Variants in DHTKD1 observed in about 807,000 individuals in gnomAD.
The protein encoded by DHTKD1 is 2-oxoadipate dehydrogenase complex component E1.
DHTKD1 carries 78 observed loss-of-function variants against 101.8 expected under a neutral mutation model. That is an observed-to-expected ratio of 0.77 (90% CI 0.64 to 0.93). The LOEUF (loss-of-function observed/expected upper bound fraction) is 0.93, where lower values mean the gene tolerates loss of function less well. DHTKD1 is among the 40% of genes least tolerant of loss of function. DHTKD1 has a pLI of 0.00. For synonymous variants in DHTKD1, 462 were observed against 450.3 expected (o/e 1.03, Z -0.33); for missense variants, 1,223 against 1,161.7 (o/e 1.05, Z -0.77).
rs1195231102 is a variant in DHTKD1 at position 12,086,376 on chromosome 10, A to T, written c.523-1159A>T. On this transcript the variant is annotated intron_variant, in intron 3 of 16. Coordinates refer to ENST00000263035, the MANE Select transcript of DHTKD1 (RefSeq NM_018706.7). ...GCTGGGACTACAGGTGCATGCCATGATGCCTGGCTAATTTTTTGTATTTTT... is the reference window on the plus strand; with the variant it reads ...GCTGGGACTACAGGTGCATGCCATGTTGCCTGGCTAATTTTTTGTATTTTT... Among the ~76,000 whole-genome samples the T allele has an allele frequency of 5.3e-5, 8 of 151,478 alleles. 1 individual carries two copies. In the Admixed American group the frequency reaches 5.3e-4, roughly 10 times the overall value.
At chr10:12,113,599 C>T (rs1588618337) in intron 13 of DHTKD1, among the ~76,000 whole-genome samples, 1 of 152,254 alleles carries the variant, frequency 6.6e-6, no homozygotes, top group East Asian at 1.9e-4. Context: ...TATACTAGTG[C>T]CCTCCTGAGC....
Position 12,107,965 on chromosome 10 carries a change from G to A in DHTKD1, c.2104G>A (p.Asp702Asn), listed in dbSNP as rs151226045. The A allele has an allele frequency of 3.3e-5, 53 of 1,613,952 alleles. No homozygotes were observed. The African/African-American group carries it at 4.4e-4, about 13-fold the overall frequency. Residue 702 changes from aspartate to asparagine, a missense_variant, in exon 12 of 17, where the codon GAT becomes AAT. Asp to Asn is a conservative substitution (Grantham distance 23). Transcript: ENST00000263035. The surrounding 1 kb of genome is among the most constrained non-coding windows in gnomAD (Gnocchi z 4.1). ...CGTCATCCTCCTTCCACATGGCTAC[G>A]ATGGGGCTGGGCCAGACCACTCATC... is the stretch of plus-strand genomic sequence containing the variant. ...GIVILLPHGY[D>N]GAGPDHSSCR...
chr10:12,093,977 A>AT, intron 6 of DHTKD1, 96 bp from the exon 7 acceptor site: 1 of 1,075,560 alleles, frequency 9.3e-7, no homozygotes, highest in Non-Finnish European at 1.4e-6. Flanking sequence ...ACCTGTGAGG[A>AT]TTGGGCTGTC....
chr10:12,068,963 C>G lies in DHTKD1; in HGVS notation c.-71C>G, dbSNP rs1187390689. ...GGCTCCGGCCGCCTCTGACGAGTCC[C>G]GGATTTACCAGGGCCGGTGGGATCC... On this transcript the variant is annotated 5_prime_UTR_variant, in exon 1 of 17. Transcript: ENST00000263035. The G allele has an allele frequency of 8.9e-6, 14 of 1,580,998 alleles. No individual in the cohort carries two copies. Among genetic ancestry groups the G allele is most frequent in the Non-Finnish European group, 9.5e-6 (11 of 1,161,150 alleles).
At position 12,097,966 on chromosome 10, in the gene DHTKD1, G is replaced by A. The variant is rs561793789; in HGVS notation, c.1641G>A (p.Met547Ile). Residue 547 changes from methionine to isoleucine, a missense_variant, in exon 8 of 17, where the codon ATG becomes ATA. Physicochemically the swap from Met to Ile is conservative, Grantham distance 10. Transcript: ENST00000263035. ...TAGAGGTGCCAAGAGAGCTGCAGAT[G>A]CACAGTCACCTGCTGAAGACACATG... ...KSVEVPRELQ[M>I]HSHLLKTHVQ... 5.5e-4 allele frequency: 887 copies of A among 1,612,718 alleles called. 16 individuals carry two copies. The South Asian group carries it at 8.8e-3, about 16-fold the overall frequency.
chr10:12,103,384 C>T lies in DHTKD1; in HGVS notation c.1896+2203C>T, dbSNP rs374629508. ...GAATTTTGTAACTGACCAGCATTCC[C>T]TTATCAATAATGGCTTCTAGGAAGG... is the stretch of plus-strand genomic sequence containing the variant. On this transcript the variant is annotated intron_variant, in intron 10 of 16. Coordinates refer to ENST00000263035, the MANE Select transcript of DHTKD1 (RefSeq NM_018706.7). The surrounding 1 kb of genome is among the most constrained non-coding windows in gnomAD (Gnocchi z 4.8). Among the ~76,000 whole-genome samples, 1 of 152,086 alleles carries T rather than the reference C, an allele frequency of 6.6e-6. No homozygotes were observed. The highest frequency in any genetic ancestry group is 2.4e-5 in the African/African-American group (1 of 41,426).
At chr10:12,073,355 C>CTT (rs948236759) in intron 1 of DHTKD1, among the ~76,000 whole-genome samples, 1 of 147,942 alleles carries the variant, frequency 6.8e-6, no homozygotes, top group Non-Finnish European at 1.5e-5. Context: ...AGCTCTTTTA[C>CTT]TTTTTTTTTT....
chr10:12,106,795 T>C (rs923744533), intron 11 of DHTKD1, among the ~76,000 whole-genome samples: 1 of 152,200 alleles, frequency 6.6e-6, no homozygotes, highest in African/African-American at 2.4e-5. Context: ...TCTTGGGTTT[T>C]GAATACCTGC....
At chr10:12,073,321 C>T (rs571575995) in intron 1 of DHTKD1, among the ~76,000 whole-genome samples, 23 of 152,222 alleles carry the variant, frequency 1.5e-4, no homozygotes, top group African/African-American at 5.5e-4. Flanking sequence ...GCATGAGCCA[C>T]TGCACCCAGT....
In DHTKD1 at chr10:12,110,519, T is replaced by C. The variant is rs1833314471; in HGVS notation, c.2155-2381T>C. ...AGTGTATTTATTTAAACATTTTTAA[T>C]TGACAAATGTACAATTGTATATATG... On this transcript the variant is annotated intron_variant, in intron 12 of 16. Coordinates refer to ENST00000263035, the MANE Select transcript of DHTKD1 (RefSeq NM_018706.7). The surrounding 1 kb of genome is among the most constrained non-coding windows in gnomAD (Gnocchi z 4.9). Among the ~76,000 whole-genome samples, 2 of 152,312 alleles carry C rather than the reference T, an allele frequency of 1.3e-5. No individual in the cohort carries two copies. Among genetic ancestry groups the C allele is most frequent in the South Asian group, 2.1e-4 (1 of 4,830 alleles).
intron 1 of DHTKD1, among the ~76,000 whole-genome samples, chr10:12,071,862 G>A (rs1832655394): frequency 6.6e-6 from 1 of 152,198 alleles, no homozygotes; most frequent in Non-Finnish European, 1.5e-5. Context: ...AATGAAAAGA[G>A]GGTTCTATAT....
chr10:12,107,070 C>T lies in DHTKD1; in HGVS notation c.2047+674C>T, dbSNP rs1379450566. Reference sequence around the variant, plus strand: ...TGCGATCTCGGCTCACTGCAAGCTCCGCCTACTGGGTTTGCACGATTCTCC... The same window carrying T: ...TGCGATCTCGGCTCACTGCAAGCTCTGCCTACTGGGTTTGCACGATTCTCC... On this transcript the variant is annotated intron_variant, in intron 11 of 16. Transcript: ENST00000263035. The surrounding 1 kb of genome is among the most constrained non-coding windows in gnomAD (Gnocchi z 4.1). Among the ~76,000 whole-genome samples, 2 of 151,864 alleles carry T rather than the reference C, an allele frequency of 1.3e-5. No homozygotes were observed. Among genetic ancestry groups the T allele is most frequent in the African/African-American group, 4.8e-5 (2 of 41,404 alleles).
At chr10:12,083,075 G>A (rs551191723) in intron 2 of DHTKD1, among the ~76,000 whole-genome samples, 26 of 151,928 alleles carry the variant, frequency 1.7e-4, no homozygotes, top group African/African-American at 5.3e-4. Flanking sequence ...ATAGCAAGGC[G>A]TGAAGCCGGG....
chr10:12,095,818 AAAAAAAAAAAAAAAAGAAAAGAAAAG>A, intron 7 of DHTKD1, among the ~76,000 whole-genome samples: 1 of 132,408 alleles, frequency 7.6e-6, no homozygotes, highest in African/African-American at 2.9e-5. Flanking sequence ...GTCTCAAAAA[AAAAAAAAAAAAAAAAGAAAAGAAAAG>A]AAAAGAAAAA....
rs1564390078 is a variant in DHTKD1 at position 12,084,582 on chromosome 10, T to C, written c.353T>C (p.Val118Ala). The C allele has an allele frequency of 2.5e-6, 4 of 1,613,382 alleles. No individual in the cohort carries two copies. The highest frequency in any genetic ancestry group is 1.7e-5 in the Admixed American group (1 of 59,994). ...MGKEEASLEEVLVYLNQIYCG... is the reference protein window; with the variant it reads ...MGKEEASLEEALVYLNQIYCG... Reference sequence around the variant, plus strand: ...AAGGAAGAGGCCTCACTTGAGGAAGTGTTAGTCTATCTCAATCAAATCTAC... The same window carrying C: ...AAGGAAGAGGCCTCACTTGAGGAAGCGTTAGTCTATCTCAATCAAATCTAC... Residue 118 changes from valine (V) to alanine (A), a missense_variant, in exon 3 of 17, where the codon GTG (valine) becomes GCG (alanine). Physicochemically the swap from Val to Ala is moderately conservative, Grantham distance 64. Transcript: ENST00000263035.
At chr10:12,118,705 A>T (rs745713325) in intron 14 of DHTKD1, 44 bp from the exon 15 acceptor site, 1 of 1,432,326 alleles carries the variant, frequency 7.0e-7, no homozygotes, top group Non-Finnish European at 9.2e-7. Context: ...TTCTTACTTT[A>T]AAAAATTTCT....
chr10:12,120,310 C>A, intron 16 of DHTKD1, 43 bp downstream of exon 16: 3 of 1,454,826 alleles, frequency 2.1e-6, no homozygotes, highest in Non-Finnish European at 2.8e-6. Context: ...GTTTTGTGTG[C>A]ATGTTGTTTT....
chr10:12,112,086 G>A (rs1427421521), intron 12 of DHTKD1, among the ~76,000 whole-genome samples: 18 of 152,120 alleles, frequency 1.2e-4, no homozygotes, highest in African/African-American at 3.6e-4. Flanking sequence ...TGGCTGAGGC[G>A]GGAGGATCGC....
chr10:12,117,764 T>A lies in DHTKD1; in HGVS notation c.2402+9T>A, dbSNP rs759951501. 1 of 1,520,582 alleles carries A rather than the reference T, an allele frequency of 6.6e-7. No individual in the cohort carries two copies. Among genetic ancestry groups the A allele is most frequent in the Admixed American group, 1.7e-5 (1 of 57,360 alleles). 94.2% of individuals were successfully genotyped at this position (1,520,582 alleles called of 1,614,324 possible). ...TCTGTGGATCCAAAAAAGTAAGATATGTATCTCTGTTTTCATATTCTGTGG... is the reference window on the plus strand; with the variant it reads ...TCTGTGGATCCAAAAAAGTAAGATAAGTATCTCTGTTTTCATATTCTGTGG... On this transcript the variant is annotated intron_variant, in intron 14 of 16. Coordinates refer to ENST00000263035, the MANE Select transcript of DHTKD1 (RefSeq NM_018706.7).
Sources: gnomAD v4.1 joint callset for allele counts (sites outside exome capture counted in the v4.1 genomes callset) on GRCh38, gnomAD v4.1.1 for gene constraint, Gnocchi (gnomAD v3.1) non-coding constraint, MANE v1.5 for transcripts, NCBI Gene and HGNC (gene_info 2026-07-23, HGNC 2026-07-21) for gene names.